IL1RAPL1: variants seen among roughly 807,000 people sequenced by gnomAD.
The protein encoded by IL1RAPL1 is interleukin-1 receptor accessory protein-like 1.
IL1RAPL1 carries 3 observed loss-of-function variants against 48.4 expected under a neutral mutation model. The observed-to-expected ratio is 0.06, with a 90% confidence interval of 0.03 to 0.16. The LOEUF is 0.16. Among genes scored for constraint, IL1RAPL1 ranks in the 10% least tolerant of loss-of-function variants. The pLI is 1.00. For synonymous variants in IL1RAPL1, 185 were observed against 187.7 expected, an observed-to-expected ratio of 0.99 and a Z score of 0.12; for missense variants, 349 against 530.6, an observed-to-expected ratio of 0.66 and a Z score of 3.36.
chrX:29,910,465 T>C (rs1235634008), intron 6 of IL1RAPL1, among the ~76,000 whole-genome samples: 1 of 111,975 alleles, frequency 8.9e-6, no homozygotes, highest in Non-Finnish European at 1.9e-5. Flanking sequence ...TATATTCTTG[T>C]TTAACATATG....
chrX:29,831,759 T>C (rs764966081), intron 6 of IL1RAPL1, among the ~76,000 whole-genome samples: 8 of 111,395 alleles, frequency 7.2e-5, no homozygotes, highest in South Asian at 3.8e-4. Flanking sequence ...GAAACAAATA[T>C]ATATAGTCAG....
chrX:28,646,460 T>C (rs1934611601), intron 1 of IL1RAPL1, among the ~76,000 whole-genome samples: 2 of 112,535 alleles, frequency 1.8e-5, no homozygotes, highest in Admixed American at 9.4e-5. Context: ...TGTATCATTT[T>C]ACTACGAATA....
chrX:29,128,424 G>C (rs1928945402), intron 2 of IL1RAPL1, among the ~76,000 whole-genome samples: 1 of 110,926 alleles, frequency 9.0e-6, no homozygotes. Flanking sequence ...CTTGCTTTAG[G>C]GTCTTTATTC....
intron 9 of IL1RAPL1, among the ~76,000 whole-genome samples, chrX:29,950,670 CT>C (rs749918523): frequency 0.018 from 1,736 of 96,448 alleles, 45 homozygotes; most frequent in African/African-American, 0.059. Context: ...ATCCTAAGGC[CT>C]TTTTTTTTTT....
At chrX:28,732,918 A>G (rs1935772779) in intron 1 of IL1RAPL1, among the ~76,000 whole-genome samples, 1 of 111,617 alleles carries the variant, frequency 9.0e-6, no homozygotes. Flanking sequence ...AGGATGGTAT[A>G]GTGTTAAACA....
intron 6 of IL1RAPL1, among the ~76,000 whole-genome samples, chrX:29,887,538 C>T (rs1932190450): frequency 8.9e-6 from 1 of 111,970 alleles, no homozygotes; most frequent in Admixed American, 9.5e-5. Context: ...TATGTCAAAT[C>T]TCTCCATTTA....
chrX:29,929,753 A>G (rs1352725159), intron 8 of IL1RAPL1, among the ~76,000 whole-genome samples: 2 of 111,613 alleles, frequency 1.8e-5, no homozygotes, highest in African/African-American at 3.3e-5. Context: ...CCTGACTTAA[A>G]TCAGCTTAGA....
chrX:28,819,468 G>A (rs1295872359), intron 2 of IL1RAPL1, among the ~76,000 whole-genome samples: 3 of 110,665 alleles, frequency 2.7e-5, no homozygotes, highest in African/African-American at 9.8e-5. Flanking sequence ...AGCAAGATTT[G>A]CCTAAGCCTG....
chrX:28,690,162 G>A (rs986647784), intron 1 of IL1RAPL1, among the ~76,000 whole-genome samples: 4 of 111,408 alleles, frequency 3.6e-5, no homozygotes, highest in African/African-American at 1.3e-4. Context: ...TTTCAGCCTT[G>A]GGCAGTATCT....
At chrX:28,794,996 C>T (rs1264115192) in intron 2 of IL1RAPL1, among the ~76,000 whole-genome samples, 1 of 111,252 alleles carries the variant, frequency 9.0e-6, no homozygotes, top group Non-Finnish European at 1.9e-5. Flanking sequence ...TAAGAGACAA[C>T]CTAGTCCCCC....
chrX:29,421,988 A>C (rs1359545046), intron 5 of IL1RAPL1, among the ~76,000 whole-genome samples: 2 of 111,905 alleles, frequency 1.8e-5, no homozygotes, highest in Non-Finnish European at 3.8e-5. Flanking sequence ...ATATACATTT[A>C]TTAACGTGTG....
intron 2 of IL1RAPL1, among the ~76,000 whole-genome samples, chrX:28,893,628 A>G (rs2147321230): frequency 9.0e-6 from 1 of 111,515 alleles, no homozygotes; most frequent in African/African-American, 3.3e-5. Context: ...CTTGATGTGT[A>G]GGGAAGGGAG....
chrX:28,988,519 G>A (rs1043353798), intron 2 of IL1RAPL1, among the ~76,000 whole-genome samples: 1 of 111,367 alleles, frequency 9.0e-6, no homozygotes, highest in Non-Finnish European at 1.9e-5. Context: ...GAGTATACAC[G>A]AAGTTGCAGC....
At chrX:29,935,114 G>A (rs1265823609) in intron 8 of IL1RAPL1, among the ~76,000 whole-genome samples, 1 of 109,819 alleles carries the variant, frequency 9.1e-6, no homozygotes, top group Non-Finnish European at 1.9e-5. Flanking sequence ...ATGTTTATGT[G>A]TTTCTGGCTA....
chrX:29,356,205 C>T (rs1933299686), intron 3 of IL1RAPL1, among the ~76,000 whole-genome samples: 1 of 110,849 alleles, frequency 9.0e-6, no homozygotes. Flanking sequence ...CAGGCTAGTG[C>T]TGTTTCTTCA....
At chrX:28,730,377 A>G (rs777772705) in intron 1 of IL1RAPL1, among the ~76,000 whole-genome samples, 1 of 111,722 alleles carries the variant, frequency 9.0e-6, no homozygotes, top group Admixed American at 9.6e-5. Context: ...TTCCTTTTAT[A>G]AATAATATAA....
intron 2 of IL1RAPL1, among the ~76,000 whole-genome samples, chrX:28,850,528 T>G (rs1921632034): frequency 9.0e-6 from 1 of 111,140 alleles, no homozygotes; most frequent in Non-Finnish European, 1.9e-5. Context: ...CTTGTTTTCC[T>G]TCCTCCCTCT....
chrX:29,135,034 A>G (rs1013359635), intron 2 of IL1RAPL1, among the ~76,000 whole-genome samples: 8 of 112,111 alleles, frequency 7.1e-5, no homozygotes, highest in Admixed American at 5.7e-4. Flanking sequence ...TAACAAACAC[A>G]TAGCATTATT....
At position 29,368,736 on chromosome X, in the gene IL1RAPL1, A is replaced by ATGTG. The variant is rs376272672; in HGVS notation, c.363-27502_363-27499dup. Among the ~76,000 whole-genome samples, 235 of 103,708 alleles carry ATGTG rather than the reference A, an allele frequency of 2.3e-3. 1 individual carries two copies. The highest frequency in any genetic ancestry group is 2.7e-3 in the Non-Finnish European group (136 of 50,634). 90.1% of individuals were successfully genotyped at this position (103,708 alleles called of 115,157 possible). On this transcript the variant is annotated intron_variant, in intron 3 of 10. Coordinates refer to ENST00000378993, the MANE Select transcript of IL1RAPL1 (RefSeq NM_014271.4). ...GAGCCAACATGCCCAGCCTCTGTGT[A>ATGTG]TGTGTGTGTGTGTGTGTGTGTGTTG... is the stretch of plus-strand genomic sequence containing the variant.
Sources: gnomAD v4.1 joint callset for allele counts (sites outside exome capture counted in the v4.1 genomes callset) on GRCh38, gnomAD v4.1.1 for gene constraint, MANE v1.5 for transcripts, NCBI Gene and HGNC (gene_info 2026-07-23, HGNC 2026-07-21) for gene names.